CDH20: variants seen among roughly 807,000 people sequenced by gnomAD.
The protein encoded by CDH20 is cadherin-20.
In CDH20, 29 loss-of-function variants were observed where a neutral mutation model predicts 74.2. The observed-to-expected ratio is 0.39, with a 90% confidence interval of 0.29 to 0.53. CDH20 has a LOEUF of 0.53. CDH20 is among the 20% of genes least tolerant of loss of function. The probability of loss-of-function intolerance (pLI) is 0.69; values close to 1 mark genes in which losing one functional copy is unlikely to be tolerated. For synonymous variants in CDH20, 469 were observed against 405.4 expected, an observed-to-expected ratio of 1.16 and a Z score of -1.88; for missense variants, 988 against 1,048.3, an observed-to-expected ratio of 0.94 and a Z score of 0.79.
intron 1 of CDH20, among the ~76,000 whole-genome samples, chr18:61,451,976 G>C (rs1909403196): frequency 6.6e-6 from 1 of 152,104 alleles, no homozygotes; most frequent in Non-Finnish European, 1.5e-5. Context: ...CTTTCTGTCT[G>C]TTGTGGTCTT....
chr18:61,537,701 T>C (rs1272224417), intron 8 of CDH20, among the ~76,000 whole-genome samples: 1 of 152,216 alleles, frequency 6.6e-6, no homozygotes, highest in Non-Finnish European at 1.5e-5. Flanking sequence ...ATTCATGGAT[T>C]CATCTATGCT....
intron 7 of CDH20, among the ~76,000 whole-genome samples, chr18:61,529,553 GC>G (rs1912565322): frequency 6.6e-6 from 1 of 152,146 alleles, no homozygotes; most frequent in South Asian, 2.1e-4. Flanking sequence ...TCAACCTGAA[GC>G]TTTTTAAATA....
At chr18:61,441,624 AG>A (rs1451728063) in intron 1 of CDH20, among the ~76,000 whole-genome samples, 1 of 152,204 alleles carries the variant, frequency 6.6e-6, no homozygotes, top group African/African-American at 2.4e-5. Context: ...TTGTGTGGAT[AG>A]GGGCCCCATA....
chr18:61,502,711 T>A (rs550458712), intron 4 of CDH20, among the ~76,000 whole-genome samples: 1 of 152,196 alleles, frequency 6.6e-6, no homozygotes, highest in Non-Finnish European at 1.5e-5. Flanking sequence ...CTTTCAGTAA[T>A]GTTGCCAGAA....
chr18:61,376,955 G>A (rs1052197078), intron 1 of CDH20, among the ~76,000 whole-genome samples: 1 of 152,114 alleles, frequency 6.6e-6, no homozygotes, highest in Non-Finnish European at 1.5e-5. Flanking sequence ...AGGATAAGTA[G>A]CTGTATTAGC....
At chr18:61,377,843 C>T (rs1911293311) in intron 1 of CDH20, among the ~76,000 whole-genome samples, 2 of 152,108 alleles carry the variant, frequency 1.3e-5, no homozygotes, top group South Asian at 4.2e-4. Context: ...CAGACCTGCA[C>T]ATATTGGGCC....
In CDH20 at chr18:61,394,559, C is replaced by T. The variant is rs577245108; in HGVS notation, c.-153+60732C>T. Among the ~76,000 whole-genome samples the T allele has an allele frequency of 3.9e-5, 6 of 152,186 alleles. No homozygotes were observed. The South Asian group carries it at 1.2e-3, about 32-fold the overall frequency. On this transcript the variant is annotated intron_variant, in intron 1 of 11. Transcript: ENST00000262717. ...AGCCAAAGGAGAGGCCTGGAACATCCCTCAGAAGGAACCAACCCTGCAAAC... is the reference window on the plus strand; with the variant it reads ...AGCCAAAGGAGAGGCCTGGAACATCTCTCAGAAGGAACCAACCCTGCAAAC...
chr18:61,537,911 A>C (rs1251870571), intron 8 of CDH20, among the ~76,000 whole-genome samples: 2 of 152,240 alleles, frequency 1.3e-5, no homozygotes, highest in Non-Finnish European at 2.9e-5. Flanking sequence ...AAAATTATTA[A>C]CCAAGAATAA....
intron 6 of CDH20, among the ~76,000 whole-genome samples, chr18:61,511,155 T>C (rs2144337127): frequency 7.0e-6 from 1 of 143,750 alleles, no homozygotes; most frequent in East Asian, 2.1e-4. Context: ...GCCACCTAAT[T>C]TTTGTGTTGT....
chr18:61,490,632 G>T lies in CDH20; in HGVS notation c.79G>T (p.Asp27Tyr). 2 of 1,614,094 alleles carry T rather than the reference G, an allele frequency of 1.2e-6. No individual in the cohort carries two copies. The highest frequency in any genetic ancestry group is 2.2e-5 in the South Asian group (2 of 91,080). The change falls in exon 2 of 12, where the codon GAC becomes TAC. Residue 27 changes from aspartate to tyrosine, a missense_variant. Transcript: ENST00000262717. Reference protein sequence around the residue: ...GMSLYFWGLMDLTTTVLSDTP... With the variant: ...GMSLYFWGLMYLTTTVLSDTP... ...GTCCTTGTACTTCTGGGGGCTGATG[G>T]ACCTTACGACCACCGTTCTCTCGGA...
chr18:61,443,681 C>T (rs1909104308), intron 1 of CDH20, among the ~76,000 whole-genome samples: 1 of 152,082 alleles, frequency 6.6e-6, no homozygotes. Flanking sequence ...CATTTTTTTC[C>T]ATAGCGAGAT....
intron 1 of CDH20, among the ~76,000 whole-genome samples, chr18:61,439,028 C>T (rs139923284): frequency 9.0e-4 from 137 of 152,150 alleles, no homozygotes; most frequent in African/African-American, 3.2e-3. Flanking sequence ...TGCATGTTCT[C>T]ACAAGTGGGG....
intron 6 of CDH20, among the ~76,000 whole-genome samples, chr18:61,526,032 A>T (rs559776963): frequency 1.5e-5 from 2 of 135,452 alleles, no homozygotes; most frequent in South Asian, 4.8e-4. Flanking sequence ...GCTGGTCTTG[A>T]AATCTTGGCC....
chr18:61,344,798 CA>C (rs969140704), intron 1 of CDH20, among the ~76,000 whole-genome samples: 39 of 152,220 alleles, frequency 2.6e-4, no homozygotes, highest in Non-Finnish European at 4.9e-4. Flanking sequence ...TAGTGCAAAA[CA>C]AGATCATGAC....
chr18:61,513,885 GC>G (rs1419783543), intron 6 of CDH20, among the ~76,000 whole-genome samples: 1 of 152,064 alleles, frequency 6.6e-6, no homozygotes, highest in Non-Finnish European at 1.5e-5. Context: ...AGTCTGATGG[GC>G]TTCCCTTTGA....
chr18:61,400,353 T>G (rs1172420176), intron 1 of CDH20, among the ~76,000 whole-genome samples: 1 of 152,192 alleles, frequency 6.6e-6, no homozygotes, highest in African/African-American at 2.4e-5. Flanking sequence ...CTGCTTAACT[T>G]GGGGGCAGAT....
At position 61,346,274 on chromosome 18, in the gene CDH20, C is replaced by T. The variant is rs373311489; in HGVS notation, c.-153+12447C>T. On this transcript the variant is annotated intron_variant, in intron 1 of 11. Coordinates refer to ENST00000262717, the MANE Select transcript of CDH20 (RefSeq NM_031891.4). ...ATGCAGTCATTAAGTTAGAGGGATC[C>T]GCTAACTTCCTTCCGCACCTTGACC... 3.0e-4 allele frequency among the ~76,000 whole-genome samples: 45 copies of T among 152,218 alleles called. No homozygotes were observed. In the South Asian group the frequency reaches 7.3e-3, roughly 25 times the overall value.
At chr18:61,452,086 TAAAAAAC>T (rs1024073453) in intron 1 of CDH20, among the ~76,000 whole-genome samples, 32 of 152,152 alleles carry the variant, frequency 2.1e-4, no homozygotes, top group African/African-American at 7.5e-4. Context: ...CCAGATGAAT[TAAAAAAC>T]AAAAAACAAA....
rs186673279 is a variant in CDH20, at chr18:61,377,938, C to A, written c.-153+44111C>A. Among the ~76,000 whole-genome samples the A allele has an allele frequency of 1.9e-4, 29 of 152,120 alleles. No homozygotes were observed. The East Asian group carries it at 5.4e-3, about 28-fold the overall frequency. ...ACTTCACATTTTTGAAATGTCAGGACTTTAAGGAAGGGTCCACCCAAGCAG... is the reference window on the plus strand; with the variant it reads ...ACTTCACATTTTTGAAATGTCAGGAATTTAAGGAAGGGTCCACCCAAGCAG... On this transcript the variant is annotated intron_variant, in intron 1 of 11. Coordinates refer to ENST00000262717, the MANE Select transcript of CDH20 (RefSeq NM_031891.4).
Sources: gnomAD v4.1 joint callset for allele counts (sites outside exome capture counted in the v4.1 genomes callset) on GRCh38, gnomAD v4.1.1 for gene constraint, MANE v1.5 for transcripts, NCBI Gene and HGNC (gene_info 2026-07-23, HGNC 2026-07-21) for gene names.